DOCK3: variants seen among roughly 807,000 people sequenced by gnomAD.
DOCK3 encodes the protein dedicator of cytokinesis protein 3.
A neutral mutation model predicts 265.6 loss-of-function variants in DOCK3; 60 were observed. The ratio of observed to expected loss-of-function variants is 0.23; its 90% CI spans 0.18 to 0.28. The LOEUF (loss-of-function observed/expected upper bound fraction) is 0.28. DOCK3 is among the 10% of genes least tolerant of loss of function. The pLI is 1.00. For synonymous variants in DOCK3, 881 were observed against 938.0 expected (o/e 0.94, Z 1.11); for missense variants, 1,981 against 2,594.3 (o/e 0.76, Z 5.14).
At chr3:50,853,430 CAA>C (rs2046432407) in intron 3 of DOCK3, among the ~76,000 whole-genome samples, 1 of 152,004 alleles carries the variant, frequency 6.6e-6, no homozygotes. Flanking sequence ...ACATAGTACT[CAA>C]GAGGTAGTTT....
chr3:50,981,820 C>A (rs749423364), intron 5 of DOCK3, among the ~76,000 whole-genome samples: 2 of 151,868 alleles, frequency 1.3e-5, no homozygotes, highest in Non-Finnish European at 2.9e-5. Context: ...CATCCCGTTA[C>A]TTTCAATCTA....
At chr3:51,237,366 G>C in intron 20 of DOCK3, 124 bp from the exon 21 acceptor site, 1 of 748,248 alleles carries the variant, frequency 1.3e-6, no homozygotes, top group Non-Finnish European at 2.2e-6. Context: ...CACTACCCAT[G>C]GGGAATGCTA....
intron 51 of DOCK3, among the ~76,000 whole-genome samples, chr3:51,376,729 G>A (rs564224513): frequency 5.3e-5 from 8 of 152,232 alleles, no homozygotes; most frequent in Non-Finnish European, 1.0e-4. Context: ...TCATCATCAC[G>A]TTATCATCGT....
At chr3:50,803,219 C>T (rs1353572213) in intron 2 of DOCK3, among the ~76,000 whole-genome samples, 2 of 152,076 alleles carry the variant, frequency 1.3e-5, no homozygotes, top group East Asian at 3.9e-4. Flanking sequence ...GAGGACCCTG[C>T]AGCCTTCTGC....
intron 5 of DOCK3, among the ~76,000 whole-genome samples, chr3:51,062,408 A>C (rs2081441572): frequency 2.0e-5 from 3 of 152,154 alleles, no homozygotes; most frequent in Admixed American, 2.0e-4. Context: ...TTATGCCTGA[A>C]TAATGTCCCC....
chr3:51,063,333 A>G (rs532439639), intron 5 of DOCK3, among the ~76,000 whole-genome samples: 1 of 152,204 alleles, frequency 6.6e-6, no homozygotes, highest in Non-Finnish European at 1.5e-5. Flanking sequence ...CTGCACTCCA[A>G]CCTGGGAGAG....
chr3:51,329,237 T>G (rs1576823073), intron 32 of DOCK3, among the ~76,000 whole-genome samples: 1 of 152,306 alleles, frequency 6.6e-6, no homozygotes, highest in Middle Eastern at 3.4e-3. Flanking sequence ...GTGAATCCAG[T>G]GAGACCTATT....
At chr3:50,695,934 G>C (rs1395579158) in intron 1 of DOCK3, among the ~76,000 whole-genome samples, 1 of 152,178 alleles carries the variant, frequency 6.6e-6, no homozygotes, top group African/African-American at 2.4e-5. Flanking sequence ...AGGATTTATG[G>C]ACAGAAAAAG....
chr3:51,298,902 T>C (rs1161742405), intron 27 of DOCK3, among the ~76,000 whole-genome samples: 1 of 152,012 alleles, frequency 6.6e-6, no homozygotes, highest in Admixed American at 6.6e-5. Context: ...TAATATGTAA[T>C]AGAATGATTT....
At chr3:50,973,049 CTTTTTTTT>C (rs71858027) in intron 5 of DOCK3, among the ~76,000 whole-genome samples, 60 of 19,022 alleles carry the variant, frequency 3.2e-3, no homozygotes, top group South Asian at 0.023. Context: ...CAGTGTGTTT[CTTTTTTTT>C]TTTTTTTTTT....
chr3:50,796,759 AT>A (rs904043037), intron 2 of DOCK3, among the ~76,000 whole-genome samples: 64 of 146,414 alleles, frequency 4.4e-4, no homozygotes, highest in Non-Finnish European at 5.0e-4. Context: ...TGACCTTTAG[AT>A]TTTTTTTTTT....
intron 2 of DOCK3, among the ~76,000 whole-genome samples, chr3:50,809,790 A>G (rs2043632966): frequency 6.6e-6 from 1 of 152,212 alleles, no homozygotes; most frequent in Admixed American, 6.5e-5. Context: ...GCCAGATATG[A>G]GAATTAGTGT....
chr3:51,069,612 G>A (rs1037568656), intron 6 of DOCK3, among the ~76,000 whole-genome samples: 9 of 151,344 alleles, frequency 5.9e-5, no homozygotes, highest in African/African-American at 1.2e-4. Flanking sequence ...ATAAATTTCT[G>A]GTTCTTTTAT....
At chr3:50,878,212 G>A (rs578027973) in intron 3 of DOCK3, among the ~76,000 whole-genome samples, 11 of 152,258 alleles carry the variant, frequency 7.2e-5, no homozygotes, top group East Asian at 1.9e-4. Flanking sequence ...AAATCAGAGC[G>A]TCTCTTCTCC....
Position 51,214,118 on chromosome 3 carries a change from G to T in DOCK3, c.1127-4G>T. On this transcript the variant is annotated splice_region_variant and splice_polypyrimidine_tract_variant and intron_variant, in intron 13 of 52. Coordinates refer to ENST00000266037, the MANE Select transcript of DOCK3 (RefSeq NM_004947.5). ...GTTCTAAGAAAATGCTTTTGTTTTT[G>T]CAGGTCTTATCATTTCTCTGCAGCT... 6.2e-7 allele frequency: 1 copy of T among 1,613,612 alleles called. No individual in the cohort carries two copies. The highest frequency in any genetic ancestry group is 1.3e-5 in the African/African-American group (1 of 74,998).
intron 27 of DOCK3, among the ~76,000 whole-genome samples, chr3:51,291,637 A>G (rs184497938): frequency 2.0e-5 from 3 of 152,220 alleles, no homozygotes; most frequent in Non-Finnish European, 4.4e-5. Flanking sequence ...GCCCAGGACT[A>G]GATGGCTTCA....
chr3:51,290,697 G>A (rs1157125678), intron 27 of DOCK3, among the ~76,000 whole-genome samples: 1 of 151,928 alleles, frequency 6.6e-6, no homozygotes. Flanking sequence ...ATATATAAAA[G>A]AAAAAAGACA....
chr3:51,298,447 G>A (rs1224834861), intron 27 of DOCK3, among the ~76,000 whole-genome samples: 1 of 152,170 alleles, frequency 6.6e-6, no homozygotes, highest in African/African-American at 2.4e-5. Flanking sequence ...TGTGCAGGAT[G>A]TGCATGTTTG....
intron 2 of DOCK3, among the ~76,000 whole-genome samples, chr3:50,826,454 C>T (rs1179899423): frequency 1.3e-5 from 2 of 152,186 alleles, no homozygotes; most frequent in Non-Finnish European, 2.9e-5. Flanking sequence ...CAGCAAGCTT[C>T]ACCCATCTAT....
Sources: gnomAD v4.1 joint callset for allele counts (sites outside exome capture counted in the v4.1 genomes callset) on GRCh38, gnomAD v4.1.1 for gene constraint, MANE v1.5 for transcripts, NCBI Gene and HGNC (gene_info 2026-07-23, HGNC 2026-07-21) for gene names.